C8A: variants seen among roughly 807,000 people sequenced by gnomAD.
The protein encoded by C8A is complement component C8 alpha chain.
In C8A, 67 loss-of-function variants were observed where a neutral mutation model predicts 65.3. The observed-to-expected ratio is 1.03, with a 90% CI of 0.84 to 1.26. C8A has a LOEUF of 1.26. Among genes scored for constraint, C8A ranks in the 50% most tolerant of loss-of-function variants. The probability of loss-of-function intolerance (pLI) is 0.00; values close to 1 mark genes in which losing one functional copy is unlikely to be tolerated. For synonymous variants in C8A, 290 were observed against 259.4 expected, an observed-to-expected ratio of 1.12 and a Z score of -1.13; for missense variants, 781 against 723.9, an observed-to-expected ratio of 1.08 and a Z score of -0.90.
At chr1:56,880,699 A>G (rs1334105812) in intron 4 of C8A, among the ~76,000 whole-genome samples, 1 of 152,142 alleles carries the variant, frequency 6.6e-6, no homozygotes, top group Admixed American at 6.6e-5. Context: ...CTTATACTAT[A>G]CTAAGAATTA....
At chr1:56,856,129 ATACTT>A (rs1643973311) in intron 1 of C8A, among the ~76,000 whole-genome samples, 1 of 152,154 alleles carries the variant, frequency 6.6e-6, no homozygotes, top group Admixed American at 6.5e-5. Flanking sequence ...AACCAATTAA[ATACTT>A]TACAAAGTGC....
rs1426499953 is a variant in C8A at position 56,917,950 on chromosome 1, G to A, written c.*234G>A. On this transcript the variant is annotated 3_prime_UTR_variant, in exon 11 of 11. Transcript: ENST00000361249. ...ATGTTGACTGTTAACTAGAAGCTCT[G>A]TCCTACTTACAGCACTTTGGATCAT... The A allele has an allele frequency of 2.3e-5, 12 of 524,544 alleles. No homozygotes were observed. Among genetic ancestry groups the A allele is most frequent in the Non-Finnish European group, 4.1e-5 (12 of 291,362 alleles). The allele number at this position is 524,544 out of a possible 1,614,324, so 32.5% of individuals were successfully genotyped here. A position where few individuals can be genotyped will look rare whatever the true frequency, so the allele number is the denominator to read the frequency against.
At chr1:56,862,731 T>C (rs1570313098) in intron 1 of C8A, among the ~76,000 whole-genome samples, 2 of 152,034 alleles carry the variant, frequency 1.3e-5, no homozygotes, top group Non-Finnish European at 1.5e-5. Flanking sequence ...GACTCCTGAG[T>C]CCCTATGCTC....
chr1:56,870,604 G>A (rs760469918), intron 2 of C8A, among the ~76,000 whole-genome samples: 26 of 151,128 alleles, frequency 1.7e-4, no homozygotes, highest in Non-Finnish European at 3.0e-4. Context: ...ATAAGGTAAC[G>A]TTTACAGGTT....
intron 9 of C8A, among the ~76,000 whole-genome samples, chr1:56,909,014 A>C (rs186399058): frequency 6.6e-6 from 1 of 152,326 alleles, no homozygotes; most frequent in Non-Finnish European, 1.5e-5. Context: ...GGATGCTGCT[A>C]AACATCCTTC....
At chr1:56,895,289 G>A (rs1188571431) in intron 7 of C8A, among the ~76,000 whole-genome samples, 5 of 152,138 alleles carry the variant, frequency 3.3e-5, no homozygotes, top group African/African-American at 7.2e-5. Flanking sequence ...GTAGACATTA[G>A]GGTAAACACC....
rs1491172247 is a variant in C8A at position 56,885,498 on chromosome 1, A to ATATATATTT, written c.856-429_856-428insTATATATTT. Among the ~76,000 whole-genome samples, 120 of 110,296 alleles carry ATATATATTT rather than the reference A, an allele frequency of 1.1e-3. 2 individuals are homozygous for ATATATATTT. Among genetic ancestry groups the ATATATATTT allele is most frequent in the Non-Finnish European group, 1.9e-3 (98 of 52,408 alleles). The allele number at this position is 110,296 out of a possible 152,430, so 72.4% of individuals were successfully genotyped here. On this transcript the variant is annotated intron_variant, in intron 6 of 10. Coordinates refer to ENST00000361249, the MANE Select transcript of C8A (RefSeq NM_000562.3). ...TATTTAAATATATATTTACGTAAAT[A>ATATATATTT]CATATATATATTTCTTACAGCTACT...
At chr1:56,917,018 C>A (rs1644558024) in intron 10 of C8A, among the ~76,000 whole-genome samples, 1 of 151,818 alleles carries the variant, frequency 6.6e-6, no homozygotes, top group Non-Finnish European at 1.5e-5. Context: ...GGGCGGTGCT[C>A]CCCTCTCTTC....
At chr1:56,874,257 T>G (rs1453817402) in intron 2 of C8A, among the ~76,000 whole-genome samples, 3 of 152,178 alleles carry the variant, frequency 2.0e-5, no homozygotes, top group African/African-American at 4.8e-5. Context: ...TTACAACAAC[T>G]AGGCAGATGT....
chr1:56,896,032 G>A (rs568879033), intron 7 of C8A, among the ~76,000 whole-genome samples: 3 of 152,192 alleles, frequency 2.0e-5, no homozygotes, highest in African/African-American at 7.2e-5. Flanking sequence ...GAGTGGTCAA[G>A]AAAGTATTGA....
At chr1:56,904,943 T>C (rs536580167) in intron 7 of C8A, among the ~76,000 whole-genome samples, 1 of 152,310 alleles carries the variant, frequency 6.6e-6, no homozygotes, top group South Asian at 2.1e-4. Context: ...CCCCCATTAA[T>C]CAGCCTGTCC....
intron 10 of C8A, among the ~76,000 whole-genome samples, chr1:56,914,125 GA>G (rs1412113551): frequency 6.6e-6 from 1 of 152,184 alleles, no homozygotes; most frequent in African/African-American, 2.4e-5. Context: ...GCATGAAGAA[GA>G]AAGACTCAGA....
chr1:56,912,672 AG>A (rs768115715), intron 10 of C8A, 47 bp downstream of exon 10: 2 of 1,572,192 alleles, frequency 1.3e-6, no homozygotes, highest in African/African-American at 2.7e-5. Context: ...CCCAGCTCAA[AG>A]GGGCCAGTGC....
In C8A at chr1:56,876,101, A is replaced by G. The variant is rs1461654084; in HGVS notation, c.356A>G (p.Gln119Arg). 1.2e-6 allele frequency: 2 copies of G among 1,613,888 alleles called. No homozygotes were observed. ...CGCCACCTTGTGTGTAATGGAGACC[A>G]GGACTGCCTTGATGGCTCTGATGAG... is the stretch of plus-strand genomic sequence containing the variant. Reference protein sequence around the residue: ...LKRHLVCNGDQDCLDGSDEDD... With the variant: ...LKRHLVCNGDRDCLDGSDEDD... Residue 119 changes from glutamine to arginine, a missense_variant, in exon 4 of 11, where the codon CAG becomes CGG. Physicochemically the swap from Gln to Arg is conservative, Grantham distance 43 (BLOSUM62 1). Coordinates refer to ENST00000361249, the MANE Select transcript of C8A (RefSeq NM_000562.3).
At chr1:56,880,466 G>A (rs1382647679) in intron 4 of C8A, among the ~76,000 whole-genome samples, 1 of 152,056 alleles carries the variant, frequency 6.6e-6, no homozygotes, top group African/African-American at 2.4e-5. Context: ...CTTTAAATGA[G>A]GAAAATGAAA....
At chr1:56,883,061 G>A (rs1432336842) in intron 5 of C8A, among the ~76,000 whole-genome samples, 1 of 152,146 alleles carries the variant, frequency 6.6e-6, no homozygotes, top group Non-Finnish European at 1.5e-5. Flanking sequence ...CAAATCTGCA[G>A]GTTTCCTTTG....
intron 1 of C8A, among the ~76,000 whole-genome samples, chr1:56,859,143 C>T (rs535451145): frequency 6.6e-6 from 1 of 152,260 alleles, no homozygotes; most frequent in East Asian, 1.9e-4. Context: ...GAATTCTGGC[C>T]TTGCCACTTT....
intron 1 of C8A, among the ~76,000 whole-genome samples, chr1:56,859,375 T>C (rs923420845): frequency 6.6e-6 from 1 of 152,204 alleles, no homozygotes; most frequent in Admixed American, 6.5e-5. Context: ...GCTTGCAGTC[T>C]AGGAGTAGGA....
intron 7 of C8A, among the ~76,000 whole-genome samples, chr1:56,891,644 A>T (rs1644346396): frequency 6.6e-6 from 1 of 152,164 alleles, no homozygotes; most frequent in African/African-American, 2.4e-5. Flanking sequence ...ATTTATAGAT[A>T]GACTGGGTGT....
Sources: allele counts gnomAD v4.1 joint callset (sites outside exome capture counted in the v4.1 genomes callset), GRCh38; gene constraint gnomAD v4.1.1; transcripts MANE v1.5; gene names NCBI Gene and HGNC (gene_info 2026-07-23, HGNC 2026-07-21).